Variants in COL26A1 observed in about 807,000 individuals in gnomAD.
COL26A1 encodes collagen alpha-1(XXVI) chain.
A neutral mutation model predicts 59.3 loss-of-function variants in COL26A1; 41 were observed. The ratio of observed to expected loss-of-function variants is 0.69; its 90% CI spans 0.54 to 0.90. COL26A1 has a LOEUF of 0.90. COL26A1 is among the 40% of genes least tolerant of loss of function. The pLI is 0.00. For synonymous variants in COL26A1, 266 were observed against 256.0 expected (o/e 1.04, Z -0.37); for missense variants, 612 against 602.3 (o/e 1.02, Z -0.17).
intron 3 of COL26A1, among the ~76,000 whole-genome samples, chr7:101,526,746 CG>C (rs912076700): frequency 1.1e-4 from 17 of 152,036 alleles, no homozygotes; most frequent in African/African-American, 3.9e-4. Context: ...GGGCAGAGCC[CG>C]GAAGTGAGAG....
intron 3 of COL26A1, among the ~76,000 whole-genome samples, chr7:101,467,033 A>T (rs1411380751): frequency 6.6e-6 from 1 of 151,684 alleles, no homozygotes; most frequent in Non-Finnish European, 1.5e-5. Context: ...TAGGGAGTGG[A>T]GATTGGTTGG....
chr7:101,435,877 A>G (rs574708417), intron 2 of COL26A1, among the ~76,000 whole-genome samples: 2 of 152,042 alleles, frequency 1.3e-5, no homozygotes, highest in African/African-American at 2.4e-5. Context: ...TGCCTCCTTC[A>G]TTCCCCTCTG....
chr7:101,385,969 C>T (rs1791564629), intron 1 of COL26A1, among the ~76,000 whole-genome samples: 1 of 152,234 alleles, frequency 6.6e-6, no homozygotes, highest in Admixed American at 6.5e-5. Flanking sequence ...CCTCGGCCTC[C>T]CAAAGTGTTG....
chr7:101,473,255 A>G (rs962986797), intron 3 of COL26A1, among the ~76,000 whole-genome samples: 1 of 150,534 alleles, frequency 6.6e-6, no homozygotes, highest in Non-Finnish European at 1.5e-5. Context: ...AATTTTTTGT[A>G]TTTTTAGTAG....
intron 1 of COL26A1, among the ~76,000 whole-genome samples, chr7:101,411,860 C>G (rs1437960522): frequency 1.3e-5 from 2 of 152,128 alleles, no homozygotes; most frequent in African/African-American, 4.8e-5. Flanking sequence ...ATTGCTTGAG[C>G]CCAGGAGGTC....
At chr7:101,483,853 T>A (rs1204994867) in intron 3 of COL26A1, among the ~76,000 whole-genome samples, 1 of 151,962 alleles carries the variant, frequency 6.6e-6, no homozygotes, top group African/African-American at 2.4e-5. Flanking sequence ...TTTTTGTATG[T>A]TTAGTAGAGA....
rs373119081 is a variant in COL26A1 at position 101,451,393 on chromosome 7, A to G, written c.385+3606A>G. On this transcript the variant is annotated intron_variant, in intron 3 of 12. Transcript: ENST00000313669. ...TTATATATAATGTTATATTTAAATT[A>G]TAATTTATATTATATATAAATTATA... Among the ~76,000 whole-genome samples the G allele has an allele frequency of 1.6e-4, 23 of 147,224 alleles. No individual in the cohort carries two copies. The East Asian group carries it at 4.5e-3, about 29-fold the overall frequency.
intron 3 of COL26A1, among the ~76,000 whole-genome samples, chr7:101,481,807 G>A (rs911676195): frequency 6.6e-6 from 1 of 151,738 alleles, no homozygotes; most frequent in Non-Finnish European, 1.5e-5. Flanking sequence ...GGTTTTTCTG[G>A]TTATCTTACA....
Position 101,389,703 on chromosome 7 carries a change from G to A in COL26A1, c.158+26513G>A, listed in dbSNP as rs7798685. Among the ~76,000 whole-genome samples, 330 of 152,108 alleles carry A rather than the reference G, an allele frequency of 2.2e-3. 1 individual carries two copies. Among genetic ancestry groups the A allele is most frequent in the Middle Eastern group, 3.4e-3 (1 of 294 alleles). On this transcript the variant is annotated intron_variant, in intron 1 of 12. Coordinates refer to ENST00000313669, the MANE Select transcript of COL26A1 (RefSeq NM_001278563.3). ...CTCGAGTAGCTGATTACAGGCATGCGCCACCATGCCCAGCTAATTATGTAC... is the reference window on the plus strand; with the variant it reads ...CTCGAGTAGCTGATTACAGGCATGCACCACCATGCCCAGCTAATTATGTAC...
At chr7:101,499,978 G>C (rs10272971) in intron 3 of COL26A1, among the ~76,000 whole-genome samples, 20,828 of 151,724 alleles carry the variant, frequency 0.14, 3,447 homozygotes, top group African/African-American at 0.4. Context: ...CCTTACCCTT[G>C]AGTGGAAACT....
chr7:101,502,345 CAACAACAACAACA>C (rs1296504177), intron 3 of COL26A1, among the ~76,000 whole-genome samples: 10 of 151,970 alleles, frequency 6.6e-5, no homozygotes, highest in South Asian at 4.1e-4. Context: ...CAGTCTCAAA[CAACAACAACAACA>C]AACAACAACA....
intron 3 of COL26A1, among the ~76,000 whole-genome samples, chr7:101,524,148 G>A (rs1795193020): frequency 6.6e-6 from 1 of 151,826 alleles, no homozygotes; most frequent in African/African-American, 2.4e-5. Context: ...GTGGGTGGCT[G>A]TAATCTCAGC....
rs543975295 is a variant in COL26A1, at chr7:101,404,442, C to A, written c.159-15535C>A. ...GGTTGCACCATTTACCCTCCCCCCC[C>A]AAATGGCTTTGGGCAAATCTCAATG... On this transcript the variant is annotated intron_variant, in intron 1 of 12. Transcript: ENST00000313669. Among the ~76,000 whole-genome samples, 532 of 152,008 alleles carry A rather than the reference C, an allele frequency of 3.5e-3. 8 individuals are homozygous for A. Among genetic ancestry groups the A allele is most frequent in the African/African-American group, 0.011 (474 of 41,284 alleles).
At position 101,557,594 on chromosome 7, in the gene COL26A1, G is replaced by T; in HGVS notation, c.*64G>T. 3.3e-6 allele frequency: 5 copies of T among 1,493,020 alleles called. No homozygotes were observed. Among genetic ancestry groups the T allele is most frequent in the Non-Finnish European group, 4.5e-6 (5 of 1,109,612 alleles). 92.5% of individuals were successfully genotyped at this position (1,493,020 alleles called of 1,614,324 possible). A position where few individuals can be genotyped will look rare whatever the true frequency, so the allele number is the denominator to read the frequency against. ...CCCAGCCCCAGAGGCCTGAGCCGCC[G>T]CTGTTTCCTAAAGATGCCCCCAGGG... On this transcript the variant is annotated 3_prime_UTR_variant, in exon 13 of 13. Transcript: ENST00000313669.
At position 101,557,448 on chromosome 7, in the gene COL26A1, C is replaced by T; in HGVS notation, c.1244C>T (p.Ala415Val). Reference sequence around the variant, plus strand: ...AACCTCAAGATGAAGAGGGGTGGCGCCCAACCCGATGGGGTCCTTGCTGCC... The same window carrying T: ...AACCTCAAGATGAAGAGGGGTGGCGTCCAACCCGATGGGGTCCTTGCTGCC... The part of the protein sequence containing the change: ...RANLKMKRGG[A>V]QPDGVLAALL... The change falls in exon 13 of 13, where the codon GCC becomes GTC. Residue 415 changes from alanine to valine, a missense_variant. Physicochemically the swap from Ala to Val is moderately conservative, Grantham distance 64. Transcript: ENST00000313669. 1.2e-6 allele frequency: 2 copies of T among 1,613,594 alleles called. No homozygotes were observed.
At chr7:101,532,100 G>A (rs1795381619) in intron 3 of COL26A1, among the ~76,000 whole-genome samples, 1 of 152,052 alleles carries the variant, frequency 6.6e-6, no homozygotes, top group South Asian at 2.1e-4. Flanking sequence ...GAACAGCTTT[G>A]AACCATCTAT....
chr7:101,539,756 C>G, intron 4 of COL26A1, 137 bp from the exon 5 acceptor site: 1 of 857,820 alleles, frequency 1.2e-6, no homozygotes, highest in Non-Finnish European at 1.7e-6. Flanking sequence ...GGTTCTCCCA[C>G]TAAGGAGCGT....
At chr7:101,386,854 G>A (rs1003480461) in intron 1 of COL26A1, among the ~76,000 whole-genome samples, 1 of 152,170 alleles carries the variant, frequency 6.6e-6, no homozygotes, top group South Asian at 2.1e-4. Flanking sequence ...TCAATATTCT[G>A]TACTGGAAGG....
Position 101,474,330 on chromosome 7 carries a change from C to T in COL26A1, c.385+26543C>T, listed in dbSNP as rs369325624. Among the ~76,000 whole-genome samples the T allele has an allele frequency of 2.2e-4, 34 of 152,180 alleles. 3 individuals are homozygous for T. Among genetic ancestry groups the T allele is most frequent in the African/African-American group, 7.9e-4 (33 of 41,538 alleles). On this transcript the variant is annotated intron_variant, in intron 3 of 12. Transcript: ENST00000313669. ...TACAGGGTTGGGCTGGGTGTGATAG[C>T]TTATGCCTGTAATCCCAGCACTTTG...
Sources: allele counts gnomAD v4.1 joint callset (sites outside exome capture counted in the v4.1 genomes callset), GRCh38; gene constraint gnomAD v4.1.1; transcripts MANE v1.5; gene names NCBI Gene and HGNC (gene_info 2026-07-23, HGNC 2026-07-21).